Variants in CLMP observed in about 807,000 individuals in gnomAD.
CLMP encodes CXADR-like membrane protein.
A neutral mutation model predicts 45.2 loss-of-function variants in CLMP; 27 were observed. The observed-to-expected ratio is 0.60, with a 90% CI of 0.44 to 0.82. The LOEUF is 0.82. Ranked by LOEUF, CLMP falls within the 40% of genes least tolerant of loss-of-function variation. The pLI is 0.00. For synonymous variants in CLMP, 167 were observed against 171.4 expected (o/e 0.97, Z 0.20); for missense variants, 403 against 448.4 (o/e 0.90, Z 0.91).
intron 2 of CLMP, 54 bp downstream of exon 2, chr11:123,097,741 G>A: frequency 7.2e-7 from 1 of 1,392,742 alleles, no homozygotes; most frequent in East Asian, 2.5e-5. Flanking sequence ...ACTGAAGAAA[G>A]GCAAATGCAG....
Position 123,073,402 on chromosome 11 carries a change from T to G in CLMP, c.*72A>C. The G allele has an allele frequency of 2.5e-4, 373 of 1,496,646 alleles. No homozygotes were observed. The highest frequency in any genetic ancestry group is 3.1e-4 in the Non-Finnish European group (340 of 1,110,502). 92.7% of individuals were successfully genotyped at this position (1,496,646 alleles called of 1,614,324 possible). On this transcript the variant is annotated 3_prime_UTR_variant, in exon 7 of 7. Transcript: ENST00000448775. ...TCATCTGGTTGTGTGGCTGGTGACT[T>G]GAGCTCCAATGACGAGAAGAGTCCA...
intron 1 of CLMP, among the ~76,000 whole-genome samples, chr11:123,157,288 C>T (rs1295530622): frequency 6.6e-6 from 1 of 152,146 alleles, no homozygotes; most frequent in African/African-American, 2.4e-5. Context: ...GGCGTGGTGG[C>T]TTATGCCTGT....
chr11:123,104,990 G>A (rs183182754), intron 1 of CLMP, among the ~76,000 whole-genome samples: 7 of 152,348 alleles, frequency 4.6e-5, no homozygotes, highest in Admixed American at 3.9e-4. Flanking sequence ...GGTGCTGAGT[G>A]GTGGCAGTGG....
At chr11:123,182,021 C>G (rs1591489328) in intron 1 of CLMP, among the ~76,000 whole-genome samples, 1 of 152,192 alleles carries the variant, frequency 6.6e-6, no homozygotes, top group African/African-American at 2.4e-5. Flanking sequence ...AAGGCTGCTC[C>G]GCAATCCTAG....
chr11:123,081,370 TA>T (rs1217522638), intron 5 of CLMP, among the ~76,000 whole-genome samples: 15 of 152,194 alleles, frequency 9.9e-5, no homozygotes, highest in African/African-American at 3.4e-4. Context: ...CTCTAGATTA[TA>T]AGCCTGGCAT....
At chr11:123,174,036 T>C (rs1264282599) in intron 1 of CLMP, among the ~76,000 whole-genome samples, 3 of 152,070 alleles carry the variant, frequency 2.0e-5, no homozygotes, top group East Asian at 3.9e-4. Flanking sequence ...TGAGCTGTGA[T>C]CTCGCTACTG....
chr11:123,133,916 T>C (rs1861028667), intron 1 of CLMP, among the ~76,000 whole-genome samples: 1 of 152,160 alleles, frequency 6.6e-6, no homozygotes, highest in Admixed American at 6.5e-5. Flanking sequence ...TGTCTAACTA[T>C]TTTTCTGGGG....
intron 1 of CLMP, among the ~76,000 whole-genome samples, chr11:123,159,364 T>A (rs921782007): frequency 6.6e-6 from 1 of 152,160 alleles, no homozygotes; most frequent in Non-Finnish European, 1.5e-5. Context: ...CAAGCCTGCA[T>A]GTGACAGGAA....
chr11:123,189,458 A>G (rs978064958), intron 1 of CLMP, among the ~76,000 whole-genome samples: 11 of 152,220 alleles, frequency 7.2e-5, no homozygotes, highest in Admixed American at 7.2e-4. Context: ...TTACTCTCAA[A>G]GAGTGATTTG....
In CLMP at chr11:123,070,075, A is replaced by G. The variant is rs1207985612; in HGVS notation, c.*3399T>C. On this transcript the variant is annotated 3_prime_UTR_variant, in exon 7 of 7. Coordinates refer to ENST00000448775, the MANE Select transcript of CLMP (RefSeq NM_024769.5). ...AGCAGTTCCGAAATTGTTTTTATAC[A>G]CTGTAACAACAAAGGTACCAACTTC... 1.3e-5 allele frequency: 2 copies of G among 152,240 alleles called. No homozygotes were observed. Among genetic ancestry groups the G allele is most frequent in the South Asian group, 2.1e-4 (1 of 4,836 alleles). 9.4% of individuals were successfully genotyped at this position (152,240 alleles called of 1,614,324 possible).
intron 1 of CLMP, among the ~76,000 whole-genome samples, chr11:123,190,407 T>C (rs1861894123): frequency 6.6e-6 from 1 of 152,092 alleles, no homozygotes; most frequent in Admixed American, 6.5e-5. Flanking sequence ...CAGAAAATTC[T>C]CAGAATTAAA....
intron 1 of CLMP, among the ~76,000 whole-genome samples, chr11:123,148,152 G>A (rs1861265534): frequency 6.6e-6 from 1 of 152,184 alleles, no homozygotes; most frequent in Non-Finnish European, 1.5e-5. Flanking sequence ...ACATGTGTAG[G>A]GCACATAGAA....
intron 1 of CLMP, among the ~76,000 whole-genome samples, chr11:123,163,372 G>A (rs1861512713): frequency 6.6e-6 from 1 of 152,218 alleles, no homozygotes; most frequent in East Asian, 1.9e-4. Context: ...CAGAAAGACA[G>A]GCTACAGGTA....
chr11:123,100,139 G>A (rs1450141935), intron 1 of CLMP, among the ~76,000 whole-genome samples: 4 of 152,182 alleles, frequency 2.6e-5, no homozygotes, highest in African/African-American at 4.8e-5. Flanking sequence ...GGGAGGCTGA[G>A]GAGGGCAGAT....
chr11:123,125,942 G>A (rs2135504065), intron 1 of CLMP, among the ~76,000 whole-genome samples: 1 of 152,128 alleles, frequency 6.6e-6, no homozygotes, highest in African/African-American at 2.4e-5. Context: ...TCGCACAGCA[G>A]GAGCACATAG....
At chr11:123,138,188 A>T (rs2135514765) in intron 1 of CLMP, among the ~76,000 whole-genome samples, 1 of 152,222 alleles carries the variant, frequency 6.6e-6, no homozygotes, top group Middle Eastern at 3.4e-3. Flanking sequence ...CTAGTATAAG[A>T]TACACATGGA....
At chr11:123,107,430 C>T (rs558711780) in intron 1 of CLMP, among the ~76,000 whole-genome samples, 53 of 151,802 alleles carry the variant, frequency 3.5e-4, no homozygotes, top group Admixed American at 2.4e-3. Flanking sequence ...GGGCTTTCAC[C>T]GTGTTGGCCA....
chr11:123,102,680 A>G (rs541907110), intron 1 of CLMP, among the ~76,000 whole-genome samples: 1 of 122,312 alleles, frequency 8.2e-6, no homozygotes, highest in South Asian at 3.0e-4. Flanking sequence ...GGTTCCAGTG[A>G]TTCTCCTGCC....
chr11:123,114,969 G>A (rs1860700595), intron 1 of CLMP, among the ~76,000 whole-genome samples: 1 of 152,136 alleles, frequency 6.6e-6, no homozygotes, highest in Non-Finnish European at 1.5e-5. Context: ...CCCAGTATAG[G>A]TAGCTAACAC....
Sources: allele counts gnomAD v4.1 joint callset (sites outside exome capture counted in the v4.1 genomes callset), GRCh38; gene constraint gnomAD v4.1.1; transcripts MANE v1.5; gene names NCBI Gene and HGNC (gene_info 2026-07-23, HGNC 2026-07-21).